Variants in WIPF3 observed in about 807,000 individuals in gnomAD.
WIPF3 encodes WAS/WASL-interacting protein family member 3.
WIPF3 carries 33 observed loss-of-function variants against 38.9 expected under a neutral mutation model. The ratio of observed to expected loss-of-function variants is 0.85; its 90% CI spans 0.64 to 1.14. The LOEUF is 1.14. WIPF3 is among the 50% of genes most tolerant of loss of function. WIPF3 has a pLI of 0.00. For synonymous variants in WIPF3, 324 were observed against 269.3 expected (o/e 1.20, Z -1.99); for missense variants, 711 against 652.5 (o/e 1.09, Z -0.98).
At chr7:29,850,214 T>A (rs1785071706) in intron 2 of WIPF3, among the ~76,000 whole-genome samples, 1 of 152,218 alleles carries the variant, frequency 6.6e-6, no homozygotes, top group South Asian at 2.1e-4. Context: ...CTAGTTTTTG[T>A]TCTAAAAAAG....
intron 2 of WIPF3, among the ~76,000 whole-genome samples, chr7:29,847,186 C>T (rs1785013852): frequency 6.6e-6 from 1 of 152,120 alleles, no homozygotes; most frequent in Admixed American, 6.5e-5. Context: ...ATTTTGGGGA[C>T]TGGAAAACAA....
intron 2 of WIPF3, among the ~76,000 whole-genome samples, chr7:29,850,236 T>G (rs992006385): frequency 1.3e-5 from 2 of 152,164 alleles, no homozygotes; most frequent in African/African-American, 4.8e-5. Context: ...AAAATTTTAT[T>G]GATAGGTAGT....
At chr7:29,901,435 T>C (rs1786274055) in intron 7 of WIPF3, among the ~76,000 whole-genome samples, 1 of 150,194 alleles carries the variant, frequency 6.7e-6, no homozygotes, top group Non-Finnish European at 1.5e-5. Flanking sequence ...GCCTTTCTGT[T>C]TTAGGGAGAA....
intron 8 of WIPF3, among the ~76,000 whole-genome samples, 152 bp from the exon 9 acceptor site, chr7:29,914,337 AAGTC>A (rs1786562203): frequency 6.6e-6 from 1 of 152,132 alleles, no homozygotes; most frequent in Non-Finnish European, 1.5e-5. Flanking sequence ...CCTTGGGTAA[AAGTC>A]AGCTCTTTGC....
intron 2 of WIPF3, among the ~76,000 whole-genome samples, chr7:29,838,361 G>C (rs1365765600): frequency 6.6e-6 from 1 of 152,054 alleles, no homozygotes; most frequent in East Asian, 1.9e-4. Context: ...TAATTTTCTT[G>C]ACATGGCTTC....
intron 7 of WIPF3, among the ~76,000 whole-genome samples, chr7:29,903,666 A>G (rs1053920400): frequency 6.6e-6 from 1 of 150,470 alleles, no homozygotes; most frequent in Non-Finnish European, 1.5e-5. Context: ...ATGTATCTGT[A>G]TATATACAGA....
At chr7:29,841,586 G>A (rs1479415236) in intron 2 of WIPF3, among the ~76,000 whole-genome samples, 1 of 152,136 alleles carries the variant, frequency 6.6e-6, no homozygotes, top group African/African-American at 2.4e-5. Flanking sequence ...CAAGGCAGGT[G>A]GATCACTTGA....
In WIPF3 at chr7:29,914,546, T is replaced by A. The variant is rs1786568916; in HGVS notation, c.*30T>A. 1.3e-6 allele frequency: 2 copies of A among 1,495,228 alleles called. No individual in the cohort carries two copies. The highest frequency in any genetic ancestry group is 1.8e-6 in the Non-Finnish European group (2 of 1,119,018). 92.6% of individuals were successfully genotyped at this position (1,495,228 alleles called of 1,614,324 possible). A position where few individuals can be genotyped will look rare whatever the true frequency, so the allele number is the denominator to read the frequency against. On this transcript the variant is annotated 3_prime_UTR_variant, in exon 9 of 9. Coordinates refer to ENST00000242140, the MANE Select transcript of WIPF3 (RefSeq NM_001080529.3). ...ACAGATGAAGCGAAGGTCCTGGGGTTCCAGGTTGCAGAACAACATGTCAGA... is the reference window on the plus strand; with the variant it reads ...ACAGATGAAGCGAAGGTCCTGGGGTACCAGGTTGCAGAACAACATGTCAGA...
At chr7:29,847,003 C>A (rs1342670992) in intron 2 of WIPF3, among the ~76,000 whole-genome samples, 1 of 152,222 alleles carries the variant, frequency 6.6e-6, no homozygotes, top group Admixed American at 6.5e-5. Flanking sequence ...GGGTACATTG[C>A]TCCTAGAATG....
chr7:29,888,558 C>A (rs988745441), intron 6 of WIPF3, among the ~76,000 whole-genome samples: 2 of 151,158 alleles, frequency 1.3e-5, no homozygotes, highest in Admixed American at 6.6e-5. Context: ...AATGCATAAG[C>A]CTGAAAGAGT....
At position 29,844,678 on chromosome 7, in the gene WIPF3, T is replaced by C. The variant is rs993349164; in HGVS notation, c.90+9864T>C. On this transcript the variant is annotated intron_variant, in intron 2 of 8. Coordinates refer to ENST00000242140, the MANE Select transcript of WIPF3 (RefSeq NM_001080529.3). This position sits in a 1 kb window ranked among gnomAD's most constrained non-coding sequence, Gnocchi z 4.8. ...CTGATGACTAGGCAATGAACACTTA[T>C]CTAGCATTTACTATGACCTTTGCAT... Among the ~76,000 whole-genome samples the C allele has an allele frequency of 6.6e-6, 1 of 152,230 alleles. No individual in the cohort carries two copies. Among genetic ancestry groups the C allele is most frequent in the Non-Finnish European group, 1.5e-5 (1 of 68,034 alleles).
At position 29,884,094 on chromosome 7, in the gene WIPF3, T is replaced by A; in HGVS notation, c.600T>A (p.Leu200=). ...LPSSSPIKTP[L]VSPPGPLTKG... ...CTTCCTCCCCCATCAAAACTCCGCTTGTGTCCCCACCCGGCCCACTGACCA... is the reference window on the plus strand; with the variant it reads ...CTTCCTCCCCCATCAAAACTCCGCTAGTGTCCCCACCCGGCCCACTGACCA... The change falls in exon 5 of 9, where the codon CTT becomes CTA. Residue 200 remains leucine (L), a synonymous_variant. Coordinates refer to ENST00000242140, the MANE Select transcript of WIPF3 (RefSeq NM_001080529.3). 7.3e-7 allele frequency: 1 copy of A among 1,376,746 alleles called. No homozygotes were observed. Among genetic ancestry groups the A allele is most frequent in the Non-Finnish European group, 9.6e-7 (1 of 1,045,878 alleles). 85.3% of individuals were successfully genotyped at this position (1,376,746 alleles called of 1,614,324 possible).
chr7:29,834,455 T>C lies in WIPF3; in HGVS notation c.-57-213T>C, dbSNP rs958404158. Among the ~76,000 whole-genome samples the C allele has an allele frequency of 3.9e-5, 6 of 152,122 alleles. No homozygotes were observed. In the East Asian group the frequency reaches 1.2e-3, roughly 29 times the overall value. On this transcript the variant is annotated intron_variant, in intron 1 of 8. Transcript: ENST00000242140. ...TCTATCAGTTTTAACACCTATTATC[T>C]CTAGAATCTGGCTGCTTTTGTCAAT...
chr7:29,851,454 G>T (rs768389285), intron 2 of WIPF3, among the ~76,000 whole-genome samples: 2 of 152,030 alleles, frequency 1.3e-5, no homozygotes, highest in Non-Finnish European at 2.9e-5. Flanking sequence ...AAAAACCCTG[G>T]CTGCTCCTCC....
chr7:29,828,981 C>A (rs537642765), intron 1 of WIPF3, among the ~76,000 whole-genome samples: 3 of 152,190 alleles, frequency 2.0e-5, no homozygotes, highest in South Asian at 2.1e-4. Context: ...TCTTCTCCCC[C>A]ACACATGCAG....
At chr7:29,895,113 G>A (rs570585353) in intron 7 of WIPF3, among the ~76,000 whole-genome samples, 1 of 151,962 alleles carries the variant, frequency 6.6e-6, no homozygotes, top group Non-Finnish European at 1.5e-5. Context: ...GCTAATTTTT[G>A]TATTTTCAGT....
At chr7:29,828,570 G>T (rs1784661796) in intron 1 of WIPF3, among the ~76,000 whole-genome samples, 1 of 152,200 alleles carries the variant, frequency 6.6e-6, no homozygotes, top group South Asian at 2.1e-4. Flanking sequence ...AATCTAGATA[G>T]ATATGGGGCT....
intron 7 of WIPF3, among the ~76,000 whole-genome samples, chr7:29,903,711 AT>A (rs548270451): frequency 1.5e-3 from 215 of 147,582 alleles, no homozygotes; most frequent in African/African-American, 4.5e-3. Context: ...AAAAAAAAAA[AT>A]TGAAGAGATA....
chr7:29,807,704 A>G (rs1784305064), intron 1 of WIPF3, among the ~76,000 whole-genome samples: 1 of 152,324 alleles, frequency 6.6e-6, no homozygotes, highest in Admixed American at 6.5e-5. Context: ...CCTGACACTC[A>G]GGGCGCTTTG....
Sources: allele counts gnomAD v4.1 joint callset (sites outside exome capture counted in the v4.1 genomes callset), GRCh38; gene constraint gnomAD v4.1.1; non-coding constraint Gnocchi (gnomAD v3.1); transcripts MANE v1.5; gene names NCBI Gene and HGNC (gene_info 2026-07-23, HGNC 2026-07-21).